Variants in SLC44A5 observed in about 807,000 individuals in gnomAD.
The protein encoded by SLC44A5 is choline transporter-like protein 5.
In SLC44A5, 57 loss-of-function variants were observed where a neutral mutation model predicts 101.8. The ratio of observed to expected loss-of-function variants is 0.56; its 90% CI spans 0.45 to 0.70. The LOEUF is 0.70. SLC44A5 is among the 30% of genes least tolerant of loss of function. The pLI is 0.00. For synonymous variants in SLC44A5, 281 were observed against 290.9 expected, an observed-to-expected ratio of 0.97 and a Z score of 0.35; for missense variants, 737 against 853.1, an observed-to-expected ratio of 0.86 and a Z score of 1.70.
intron 1 of SLC44A5, among the ~76,000 whole-genome samples, chr1:75,576,751 G>A (rs1267175861): frequency 2.0e-5 from 3 of 152,112 alleles, no homozygotes; most frequent in African/African-American, 4.8e-5. Flanking sequence ...ATCCTTAGAC[G>A]CAGATCTCAT....
chr1:75,356,783 A>C (rs147965129), intron 3 of SLC44A5, among the ~76,000 whole-genome samples: 1 of 152,298 alleles, frequency 6.6e-6, no homozygotes, highest in East Asian at 1.9e-4. Context: ...AATCTTTTAT[A>C]CTGCAGTTTT....
At chr1:75,576,108 G>C (rs1673345993) in intron 1 of SLC44A5, among the ~76,000 whole-genome samples, 1 of 151,936 alleles carries the variant, frequency 6.6e-6, no homozygotes, top group South Asian at 2.1e-4. Context: ...GAGTAAAGGT[G>C]GGGGCGGGGA....
chr1:75,603,188 T>TAA (rs1675092006), intron 1 of SLC44A5, among the ~76,000 whole-genome samples: 1 of 152,018 alleles, frequency 6.6e-6, no homozygotes, highest in African/African-American at 2.4e-5. Flanking sequence ...TTATGTCTAT[T>TAA]AGTACCTGTT....
chr1:75,227,046 CCTTTTT>C (rs1183618563), intron 13 of SLC44A5, among the ~76,000 whole-genome samples: 5 of 152,008 alleles, frequency 3.3e-5, no homozygotes, highest in African/African-American at 9.7e-5. Context: ...TTTTCCTTTT[CCTTTTT>C]CTTTTTTAAA....
At chr1:75,287,695 A>G (rs748520548) in intron 5 of SLC44A5, among the ~76,000 whole-genome samples, 14 of 151,994 alleles carry the variant, frequency 9.2e-5, no homozygotes, top group Non-Finnish European at 1.9e-4. Flanking sequence ...CTGAGAGCCA[A>G]ACTGCAGTAG....
At chr1:75,280,752 C>T (rs1652473060) in intron 5 of SLC44A5, among the ~76,000 whole-genome samples, 1 of 151,474 alleles carries the variant, frequency 6.6e-6, no homozygotes, top group South Asian at 2.1e-4. Flanking sequence ...AGGGACATTT[C>T]CCCCCTTCAC....
chr1:75,548,862 G>A (rs1023218840), intron 1 of SLC44A5, among the ~76,000 whole-genome samples: 3 of 152,090 alleles, frequency 2.0e-5, no homozygotes, highest in African/African-American at 7.2e-5. Flanking sequence ...AGTAAATAAG[G>A]ATAAAATGTT....
chr1:75,240,216 G>A (rs1648496302), intron 9 of SLC44A5, among the ~76,000 whole-genome samples: 1 of 151,944 alleles, frequency 6.6e-6, no homozygotes, highest in South Asian at 2.1e-4. Context: ...TATTTTTTGA[G>A]AGTCAAAATC....
intron 3 of SLC44A5, among the ~76,000 whole-genome samples, chr1:75,376,195 G>A (rs927688945): frequency 6.6e-6 from 1 of 152,232 alleles, no homozygotes; most frequent in Non-Finnish European, 1.5e-5. Context: ...TACGCCCATG[G>A]AGTCTCGCTG....
At chr1:75,470,772 G>A (rs183586534) in intron 2 of SLC44A5, among the ~76,000 whole-genome samples, 20 of 149,182 alleles carry the variant, frequency 1.3e-4, no homozygotes, top group Non-Finnish European at 2.4e-4. Flanking sequence ...TGGTGGGAGG[G>A]TTGGGAGGGG....
chr1:75,325,784 T>A (rs1656544648), intron 4 of SLC44A5, among the ~76,000 whole-genome samples: 1 of 149,682 alleles, frequency 6.7e-6, no homozygotes, highest in Non-Finnish European at 1.5e-5. Context: ...GTGTGTAGAG[T>A]ATCCCTTATC....
intron 1 of SLC44A5, among the ~76,000 whole-genome samples, chr1:75,595,583 T>C (rs55776127): frequency 0.017 from 2,521 of 152,272 alleles, 35 homozygotes; most frequent in Admixed American, 0.033. Context: ...TGAAAATTCT[T>C]ACTACTACAG....
chr1:75,286,928 T>A (rs1653100005), intron 5 of SLC44A5, among the ~76,000 whole-genome samples: 1 of 152,140 alleles, frequency 6.6e-6, no homozygotes. Flanking sequence ...TATATGATGA[T>A]CTTTTTGTGA....
chr1:75,351,824 C>T (rs1328192159), intron 3 of SLC44A5, among the ~76,000 whole-genome samples: 1 of 14,100 alleles, frequency 7.1e-5, no homozygotes. Context: ...AAGCACTCAT[C>T]ATAATGAATA....
the SLC44A5 span, among the ~76,000 whole-genome samples, chr1:75,625,049 G>A: frequency 1.1e-4 from 17 of 151,974 alleles, no homozygotes; most frequent in East Asian, 2.1e-3. Flanking sequence ...CAAAGTTCCC[G>A]CAAAAACTAT....
chr1:75,292,559 A>T (rs1237108969), intron 5 of SLC44A5, among the ~76,000 whole-genome samples: 3 of 152,238 alleles, frequency 2.0e-5, no homozygotes, highest in Admixed American at 1.3e-4. Context: ...TAGTCTATAC[A>T]AAATAGAGAC....
intron 2 of SLC44A5, among the ~76,000 whole-genome samples, chr1:75,520,953 T>A (rs1189018790): frequency 8.7e-6 from 1 of 115,490 alleles, no homozygotes; most frequent in Non-Finnish European, 2.0e-5. Flanking sequence ...AGGTCAAGGG[T>A]TTTTTTTAAA....
chr1:75,306,790 A>C (rs1249674), intron 4 of SLC44A5, among the ~76,000 whole-genome samples: 8,036 of 128,394 alleles, frequency 0.063, 809 homozygotes, highest in African/African-American at 0.22. Context: ...GCGGGAGTGC[A>C]GTGGAGCAAT....
At position 75,303,016 on chromosome 1, in the gene SLC44A5, T is replaced by A. The variant is rs60081060; in HGVS notation, c.102-2331A>T. On this transcript the variant is annotated intron_variant, in intron 4 of 23. Transcript: ENST00000370859. ...ACGGATGGCCACAGATGACCTCGGA[T>A]AACTGAAACCTCAGAAAGCAAAACT... 9.3e-3 allele frequency among the ~76,000 whole-genome samples: 1,418 copies of A among 152,310 alleles called. 24 individuals are homozygous for A. Among genetic ancestry groups the A allele is most frequent in the African/African-American group, 0.032 (1,331 of 41,554 alleles).
Sources: allele counts gnomAD v4.1 joint callset (sites outside exome capture counted in the v4.1 genomes callset), GRCh38; gene constraint gnomAD v4.1.1; transcripts MANE v1.5; gene names NCBI Gene and HGNC (gene_info 2026-07-23, HGNC 2026-07-21).